Variants in ATRNL1 observed in about 807,000 individuals in gnomAD.
The protein encoded by ATRNL1 is attractin like 1, also known as attractin-like protein 1.
ATRNL1 carries 95 observed loss-of-function variants against 182.7 expected under a neutral mutation model. The ratio of observed to expected loss-of-function variants is 0.52; its 90% CI spans 0.44 to 0.62. The LOEUF (loss-of-function observed/expected upper bound fraction) is 0.62. ATRNL1 is among the 20% of genes least tolerant of loss of function. The pLI is 0.00. For missense variants in ATRNL1, 1,471 were observed against 1,679.5 expected, an observed-to-expected ratio of 0.88 and a Z score of 2.17; for synonymous variants, 576 against 568.3, an observed-to-expected ratio of 1.01 and a Z score of -0.19.
At chr10:115,667,781 C>T (rs1861088019) in intron 26 of ATRNL1, among the ~76,000 whole-genome samples, 1 of 151,872 alleles carries the variant, frequency 6.6e-6, no homozygotes, top group South Asian at 2.1e-4. Context: ...CTTAGCCTCC[C>T]CAGTAGCTGG....
chr10:115,416,536 G>A (rs1845399376), intron 20 of ATRNL1, among the ~76,000 whole-genome samples: 1 of 152,108 alleles, frequency 6.6e-6, no homozygotes, highest in Non-Finnish European at 1.5e-5. Flanking sequence ...AAGTCTTTCA[G>A]TTTGATTCTT....
chr10:115,861,517 G>C (rs1951316103), intron 28 of ATRNL1, among the ~76,000 whole-genome samples: 1 of 152,032 alleles, frequency 6.6e-6, no homozygotes, highest in Admixed American at 6.6e-5. Context: ...TGCTTCTCAG[G>C]TTTTAAAAAT....
intron 18 of ATRNL1, among the ~76,000 whole-genome samples, chr10:115,319,732 T>G (rs566274021): frequency 8.5e-5 from 13 of 152,174 alleles, no homozygotes; most frequent in Non-Finnish European, 1.3e-4. Context: ...TTTTTAACTT[T>G]CCATTTGCTT....
At chr10:115,142,957 T>G (rs1386819821) in intron 5 of ATRNL1, among the ~76,000 whole-genome samples, 1 of 152,174 alleles carries the variant, frequency 6.6e-6, no homozygotes, top group Non-Finnish European at 1.5e-5. Flanking sequence ...TTGGTTATGG[T>G]ATGCCAAGTT....
At chr10:115,902,553 G>T (rs1555113732) in intron 28 of ATRNL1, among the ~76,000 whole-genome samples, 1 of 152,132 alleles carries the variant, frequency 6.6e-6, no homozygotes, top group African/African-American at 2.4e-5. Context: ...GATGAGTGGA[G>T]ACCTCATATT....
At position 115,483,029 on chromosome 10, in the gene ATRNL1, T is replaced by A. The variant is rs373653429; in HGVS notation, c.3654+13700T>A. Among the ~76,000 whole-genome samples the A allele has an allele frequency of 1.9e-4, 29 of 151,438 alleles. No individual in the cohort carries two copies. The East Asian group carries it at 3.3e-3, about 17-fold the overall frequency. ...TAAATAAAATGGTATGTTTTAACATTTCTGGACAGTTTTTGCTTTTCCTAA... is the reference window on the plus strand; with the variant it reads ...TAAATAAAATGGTATGTTTTAACATATCTGGACAGTTTTTGCTTTTCCTAA... On this transcript the variant is annotated intron_variant, in intron 24 of 28. Transcript: ENST00000355044.
chr10:115,206,102 A>T, intron 8 of ATRNL1, among the ~76,000 whole-genome samples: 1 of 152,162 alleles, frequency 6.6e-6, no homozygotes, highest in African/African-American at 2.4e-5. Context: ...TAGAATCCCG[A>T]GTTATAATTA....
chr10:115,293,068 GTC>G (rs1264297603), intron 15 of ATRNL1, among the ~76,000 whole-genome samples: 2 of 151,866 alleles, frequency 1.3e-5, no homozygotes, highest in Non-Finnish European at 2.9e-5. Context: ...ACAATTTATA[GTC>G]TCTTACTGAA....
In ATRNL1 at chr10:115,214,045, C is replaced by CAT. The variant is rs1266899479; in HGVS notation, c.1349-1651_1349-1650insTA. On this transcript the variant is annotated intron_variant, in intron 8 of 28. Transcript: ENST00000355044. ...AGTATTTTTAGTACAAATATGTACA[C>CAT]ACACACACACACACACACACACATA... 2.1e-5 allele frequency among the ~76,000 whole-genome samples: 3 copies of CAT among 143,250 alleles called. 1 individual carries two copies. The highest frequency in any genetic ancestry group is 4.6e-4 in the South Asian group (2 of 4,366). 94.0% of individuals were successfully genotyped at this position (143,250 alleles called of 152,430 possible).
intron 15 of ATRNL1, among the ~76,000 whole-genome samples, chr10:115,286,875 A>G (rs1423895260): frequency 6.6e-6 from 1 of 151,950 alleles, no homozygotes; most frequent in South Asian, 2.1e-4. Context: ...TCTAAACAAT[A>G]CGGCATAACA....
At chr10:115,156,384 A>T (rs1404467748) in intron 5 of ATRNL1, among the ~76,000 whole-genome samples, 1 of 152,078 alleles carries the variant, frequency 6.6e-6, no homozygotes, top group African/African-American at 2.4e-5. Flanking sequence ...TTGGGAGGAA[A>T]CGATCAAGGT....
At chr10:115,264,480 A>C (rs1851522609) in intron 10 of ATRNL1, among the ~76,000 whole-genome samples, 1 of 151,584 alleles carries the variant, frequency 6.6e-6, no homozygotes, top group African/African-American at 2.4e-5. Context: ...AATCTAAAAC[A>C]CTGTATTGAG....
At chr10:115,916,172 C>G (rs1039731846) in intron 28 of ATRNL1, among the ~76,000 whole-genome samples, 4 of 152,142 alleles carry the variant, frequency 2.6e-5, no homozygotes, top group Non-Finnish European at 5.9e-5. Flanking sequence ...GTCACCTTCC[C>G]TAAAATTGCA....
At chr10:115,849,659 A>G (rs1268748874) in intron 28 of ATRNL1, among the ~76,000 whole-genome samples, 1 of 152,172 alleles carries the variant, frequency 6.6e-6, no homozygotes, top group African/African-American at 2.4e-5. Context: ...TTCACATGTG[A>G]TCCTCATGAC....
At chr10:115,582,297 C>G (rs1476842367) in intron 26 of ATRNL1, among the ~76,000 whole-genome samples, 1 of 147,554 alleles carries the variant, frequency 6.8e-6, no homozygotes, top group Non-Finnish European at 1.5e-5. Flanking sequence ...ATTTCTAGTT[C>G]TAGATCCCTG....
At chr10:115,572,599 A>G (rs912835054) in intron 26 of ATRNL1, among the ~76,000 whole-genome samples, 1 of 152,186 alleles carries the variant, frequency 6.6e-6, no homozygotes, top group African/African-American at 2.4e-5. Context: ...GCAATGCCTA[A>G]AAGAGATTCA....
chr10:115,173,017 T>G (rs1183624391), intron 8 of ATRNL1, among the ~76,000 whole-genome samples: 1 of 151,926 alleles, frequency 6.6e-6, no homozygotes, highest in Non-Finnish European at 1.5e-5. Context: ...AAACACTTCC[T>G]TCTCTATCAT....
At chr10:115,822,707 T>A (rs1950332797) in intron 27 of ATRNL1, among the ~76,000 whole-genome samples, 1 of 152,126 alleles carries the variant, frequency 6.6e-6, no homozygotes, top group Non-Finnish European at 1.5e-5. Flanking sequence ...CCTGGACACA[T>A]ACACCCTTCC....
At chr10:115,539,409 G>A (rs1852224533) in intron 25 of ATRNL1, among the ~76,000 whole-genome samples, 1 of 152,122 alleles carries the variant, frequency 6.6e-6, no homozygotes, top group Non-Finnish European at 1.5e-5. Context: ...AAATTCATGG[G>A]CAGCTATTTG....
Sources: gnomAD v4.1 joint callset for allele counts (sites outside exome capture counted in the v4.1 genomes callset) on GRCh38, gnomAD v4.1.1 for gene constraint, MANE v1.5 for transcripts, NCBI Gene and HGNC (gene_info 2026-07-23, HGNC 2026-07-21) for gene names.